ARHGAP15: variants seen among roughly 807,000 people sequenced by gnomAD.
ARHGAP15 encodes the protein Rho GTPase activating protein 15.
A neutral mutation model predicts 63.7 loss-of-function variants in ARHGAP15; 51 were observed. The observed-to-expected ratio is 0.80, with a 90% confidence interval of 0.64 to 1.01. The LOEUF is 1.01. ARHGAP15 is among the 50% of genes least tolerant of loss of function. ARHGAP15 has a pLI of 0.00. For missense variants in ARHGAP15, 560 were observed against 564.6 expected (o/e 0.99, Z 0.08); for synonymous variants, 191 against 193.8 (o/e 0.99, Z 0.12).
At chr2:143,253,553 A>G (rs1680268138) in intron 6 of ARHGAP15, among the ~76,000 whole-genome samples, 1 of 152,100 alleles carries the variant, frequency 6.6e-6, no homozygotes, top group Admixed American at 6.6e-5. Context: ...TTGGTATTCA[A>G]CAACTTTCAG....
chr2:143,511,070 G>A (rs1446654794), intron 9 of ARHGAP15, among the ~76,000 whole-genome samples: 3 of 152,198 alleles, frequency 2.0e-5, no homozygotes, highest in Admixed American at 6.5e-5. Flanking sequence ...AAAACTTATA[G>A]CAGTGATGAG....
intron 9 of ARHGAP15, among the ~76,000 whole-genome samples, chr2:143,512,255 C>T (rs932343066): frequency 5.3e-5 from 8 of 152,194 alleles, no homozygotes; most frequent in Non-Finnish European, 1.2e-4. Context: ...TTCCTCTCTC[C>T]CAGTAACATC....
intron 12 of ARHGAP15, among the ~76,000 whole-genome samples, chr2:143,628,268 A>G (rs751527588): frequency 6.6e-6 from 1 of 152,180 alleles, no homozygotes; most frequent in Non-Finnish European, 1.5e-5. Flanking sequence ...GCTATCGTGA[A>G]TAGTGTTGCG....
chr2:143,311,762 C>T (rs77793609), intron 6 of ARHGAP15, among the ~76,000 whole-genome samples: 7,113 of 152,192 alleles, frequency 0.047, 465 homozygotes, highest in Admixed American at 0.2. Flanking sequence ...CAATTCACTT[C>T]AAATTTCTTT....
chr2:143,166,018 A>AGG (rs1690508050), intron 2 of ARHGAP15, among the ~76,000 whole-genome samples: 2 of 94,222 alleles, frequency 2.1e-5, no homozygotes, highest in South Asian at 3.3e-4. Flanking sequence ...AGGAAGGAAA[A>AGG]AAAGAAAGAA....
intron 13 of ARHGAP15, among the ~76,000 whole-genome samples, chr2:143,712,344 T>A (rs1031837901): frequency 9.2e-5 from 14 of 152,158 alleles, no homozygotes; most frequent in Admixed American, 2.6e-4. Context: ...AAAGCAGAAA[T>A]TTTGTTAACA....
At chr2:143,711,612 T>C (rs1185534309) in intron 13 of ARHGAP15, among the ~76,000 whole-genome samples, 2 of 152,222 alleles carry the variant, frequency 1.3e-5, no homozygotes, top group East Asian at 1.9e-4. Context: ...AAGAATACCA[T>C]ACAGTCTGAT....
chr2:143,476,638 T>C (rs1020408365), intron 8 of ARHGAP15, among the ~76,000 whole-genome samples: 2 of 152,192 alleles, frequency 1.3e-5, no homozygotes, highest in Admixed American at 6.5e-5. Context: ...GTAGAAACCA[T>C]GAGAGTCACA....
chr2:143,700,500 T>G (rs1684037432), intron 12 of ARHGAP15, among the ~76,000 whole-genome samples: 1 of 152,142 alleles, frequency 6.6e-6, no homozygotes, highest in East Asian at 1.9e-4. Context: ...TGATTATTAC[T>G]TTAGTCAGAG....
chr2:143,629,091 T>A (rs1485811223), intron 12 of ARHGAP15, among the ~76,000 whole-genome samples: 3 of 152,088 alleles, frequency 2.0e-5, no homozygotes, highest in African/African-American at 7.2e-5. Flanking sequence ...GCGGTCTGAA[T>A]TACTTTAATT....
chr2:143,392,735 G>T (rs1435663915), intron 6 of ARHGAP15, among the ~76,000 whole-genome samples: 1 of 152,040 alleles, frequency 6.6e-6, no homozygotes, highest in African/African-American at 2.4e-5. Context: ...TTTTTGTTTT[G>T]GGTTTTTGGG....
intron 6 of ARHGAP15, among the ~76,000 whole-genome samples, chr2:143,346,739 A>T (rs1203030260): frequency 1.3e-5 from 2 of 152,132 alleles, no homozygotes; most frequent in African/African-American, 4.8e-5. Flanking sequence ...GTTTGTTTCA[A>T]TTTGAGAGGT....
At chr2:143,357,240 T>C (rs2105327664) in intron 6 of ARHGAP15, among the ~76,000 whole-genome samples, 1 of 152,200 alleles carries the variant, frequency 6.6e-6, no homozygotes, top group East Asian at 1.9e-4. Context: ...GTAAAAAGGG[T>C]GAGATGTTTG....
At chr2:143,636,727 T>C (rs1680336131) in intron 12 of ARHGAP15, among the ~76,000 whole-genome samples, 2 of 152,170 alleles carry the variant, frequency 1.3e-5, no homozygotes, top group Non-Finnish European at 2.9e-5. Context: ...CAATAATTTA[T>C]CATGAATCAA....
At chr2:143,545,849 C>G (rs541739465) in intron 10 of ARHGAP15, among the ~76,000 whole-genome samples, 104 of 151,998 alleles carry the variant, frequency 6.8e-4, no homozygotes, top group Non-Finnish European at 1.4e-3. Context: ...ATTAAAATAG[C>G]TGCTGGAGCT....
At chr2:143,139,667 G>T (rs969883373) in intron 1 of ARHGAP15, among the ~76,000 whole-genome samples, 1 of 152,112 alleles carries the variant, frequency 6.6e-6, no homozygotes, top group Non-Finnish European at 1.5e-5. Flanking sequence ...CGTAGAAAAA[G>T]GCAGTGAAGC....
At chr2:143,475,081 A>C (rs559082923) in intron 8 of ARHGAP15, among the ~76,000 whole-genome samples, 3 of 152,242 alleles carry the variant, frequency 2.0e-5, no homozygotes, top group Non-Finnish European at 2.9e-5. Flanking sequence ...ACCTATATCC[A>C]GACCACATCA....
chr2:143,345,806 T>C (rs369281709), intron 6 of ARHGAP15, among the ~76,000 whole-genome samples: 3 of 152,130 alleles, frequency 2.0e-5, no homozygotes, highest in East Asian at 3.9e-4. Context: ...GGCTTTTTAG[T>C]TTCTGATTGC....
rs536635644 is a variant in ARHGAP15, at chr2:143,231,911, AT to A, written c.384+3244del. Among the ~76,000 whole-genome samples the A allele has an allele frequency of 1.2e-4, 19 of 152,320 alleles. No homozygotes were observed. In the East Asian group the frequency reaches 3.5e-3, roughly 28 times the overall value. On this transcript the variant is annotated intron_variant, in intron 5 of 13. Transcript: ENST00000295095. ...CGTGTCTTTTCACATAAGGCCACTA[AT>A]CCCATTCATGAGGGCTCCACCTTTA...
Sources: gnomAD v4.1 joint callset for allele counts (sites outside exome capture counted in the v4.1 genomes callset) on GRCh38, gnomAD v4.1.1 for gene constraint, MANE v1.5 for transcripts, NCBI Gene and HGNC (gene_info 2026-07-23, HGNC 2026-07-21) for gene names.